BNC1: variants seen among roughly 807,000 people sequenced by gnomAD.
BNC1 encodes the protein basonuclin zinc finger protein 1, also known as zinc finger protein basonuclin-1.
Under a neutral mutation model 66.5 loss-of-function variants are expected in BNC1, and 8 were observed. The ratio of observed to expected loss-of-function variants is 0.12; its 90% CI spans 0.07 to 0.22. The LOEUF (loss-of-function observed/expected upper bound fraction) is 0.22, where lower values mean the gene tolerates loss of function less well. Ranked by LOEUF, BNC1 falls within the 10% of genes least tolerant of loss-of-function variation. The pLI is 1.00. For synonymous variants in BNC1, 454 were observed against 452.6 expected, an observed-to-expected ratio of 1.00 and a Z score of -0.04; for missense variants, 1,069 against 1,241.3, an observed-to-expected ratio of 0.86 and a Z score of 2.09.
Position 83,263,029 on chromosome 15 carries a change from T to C in BNC1, c.2222A>G (p.Asn741Ser), listed in dbSNP as rs2038162332. 1.2e-6 allele frequency: 2 copies of C among 1,614,196 alleles called. No individual in the cohort carries two copies. Among genetic ancestry groups the C allele is most frequent in the African/African-American group, 2.7e-5 (2 of 75,036 alleles). Residue 741 changes from asparagine (N) to serine (S), a missense_variant, in exon 4 of 5, where the codon AAT (asparagine) becomes AGT (serine). Physicochemically the swap from Asn to Ser is conservative, Grantham distance 46. Transcript: ENST00000345382. The part of the protein sequence containing the change: ...NACSVKIHHK[N>S]MHVKEMHTCT... The stretch of plus-strand genomic sequence containing the variant: ...TGTGTGCATTTCTTTGACATGCATA[T>C]TCTTGTGATGAATTTTCACACTACA...
chr15:83,258,095 C>T lies in BNC1; in HGVS notation c.2332G>A (p.Ala778Thr). The T allele has an allele frequency of 6.2e-7, 1 of 1,603,328 alleles. No individual in the cohort carries two copies. Among genetic ancestry groups the T allele is most frequent in the African/African-American group, 1.3e-5 (1 of 74,872 alleles). ...CTCTCCAATGCTTCCTGGCTCAATGCTTTTTGGTGGAGGTTTAGGTTTGAG... is the reference window on the plus strand; with the variant it reads ...CTCTCCAATGCTTCCTGGCTCAATGTTTTTTGGTGGAGGTTTAGGTTTGAG... The part of the protein sequence containing the change: ...HSSNLNLHQK[A>T]LSQEALESSE... Residue 778 changes from alanine (A) to threonine (T), a missense_variant, in exon 5 of 5, where the codon GCA (alanine) becomes ACA (threonine). Transcript: ENST00000345382.
At chr15:83,281,996 AG>A (rs1307680509) in intron 1 of BNC1, among the ~76,000 whole-genome samples, 5 of 152,394 alleles carry the variant, frequency 3.3e-5, no homozygotes, top group African/African-American at 1.2e-4. Flanking sequence ...ACTTCATGTT[AG>A]TCAATATTTC....
intron 4 of BNC1, among the ~76,000 whole-genome samples, chr15:83,262,105 T>C (rs1028157169): frequency 1.4e-5 from 2 of 147,944 alleles, no homozygotes; most frequent in Non-Finnish European, 3.0e-5. Context: ...TGGAGTGCAG[T>C]GGCATGATCT....
chr15:83,275,223 G>A (rs1053826526), intron 1 of BNC1, among the ~76,000 whole-genome samples: 4 of 152,248 alleles, frequency 2.6e-5, no homozygotes, highest in Admixed American at 6.5e-5. Flanking sequence ...GAAGAGGCCA[G>A]GCGCAGTGGC....
intron 1 of BNC1, chr15:83,283,023 C>G: frequency 7.8e-7 from 1 of 1,280,408 alleles, no homozygotes; most frequent in Admixed American, 2.0e-5. Context: ...GCGAGCACAG[C>G]CATAAAACCA....
chr15:83,266,773 T>G, intron 3 of BNC1, 63 bp downstream of exon 3: 1 of 1,439,888 alleles, frequency 6.9e-7, no homozygotes, highest in Non-Finnish European at 9.8e-7. Flanking sequence ...CTGGGTTACG[T>G]CAGTTATATG....
chr15:83,283,419 G>T, intron 1 of BNC1: 1 of 1,178,726 alleles, frequency 8.5e-7, no homozygotes, highest in Non-Finnish European at 1.0e-6. Context: ...GCGGCCCCCA[G>T]CCTCGCCGCC....
chr15:83,257,519 C>T lies in BNC1; in HGVS notation c.2908G>A (p.Val970Ile), dbSNP rs753368444. ...VPGCNTMFSSVRSRNRHSQNP... is the reference protein window; with the variant it reads ...VPGCNTMFSSIRSRNRHSQNP... ...TGGCTGTGTCTGTTTCGACTGCGAACAGACGAAAACATGGTGTTGCAGCCT... is the reference window on the plus strand; with the variant it reads ...TGGCTGTGTCTGTTTCGACTGCGAATAGACGAAAACATGGTGTTGCAGCCT... The change falls in exon 5 of 5, where the codon GTT becomes ATT. Residue 970 changes from valine to isoleucine, a missense_variant. Around this residue, in one of 7 missense-constraint regions of BNC1, gnomAD observed 657 missense variants for 715.8 expected, o/e 0.92. Transcript: ENST00000345382. 6.2e-7 allele frequency: 1 copy of T among 1,614,094 alleles called. No homozygotes were observed. Among genetic ancestry groups the T allele is most frequent in the Non-Finnish European group, 8.5e-7 (1 of 1,180,046 alleles).
chr15:83,284,582 G>A lies in BNC1; in HGVS notation c.47C>T (p.Ala16Val), dbSNP rs922354410. 2.5e-5 allele frequency: 26 copies of A among 1,045,978 alleles called. No individual in the cohort carries two copies. Among genetic ancestry groups the A allele is most frequent in the Non-Finnish European group, 2.9e-5 (25 of 871,394 alleles). 64.8% of individuals were successfully genotyped at this position (1,045,978 alleles called of 1,614,324 possible). Residue 16 changes from alanine to valine, a missense_variant, in exon 1 of 5, where the codon GCC (alanine) becomes GTC (valine). This residue lies in a region of BNC1 where 78 missense variants were observed against 80.9 expected (regional missense o/e 0.96). Coordinates refer to ENST00000345382, the MANE Select transcript of BNC1 (RefSeq NM_001717.4). ...CCGGGGCTGCCGGCGCGTCTCCCGG[G>A]CCCGGGCCGCCCCGCGTCCGCCCCG... is the stretch of plus-strand genomic sequence containing the variant. ...PSRGGRGAAR[A>V]RETRRQPRHR...
At chr15:83,283,689 C>T (rs1484334163) in intron 1 of BNC1, among the ~76,000 whole-genome samples, 2 of 152,194 alleles carry the variant, frequency 1.3e-5, no homozygotes, top group Admixed American at 1.3e-4. Context: ...GGCTTCCAGC[C>T]CAGAGCCCAA....
chr15:83,270,598 T>C (rs186120652), intron 1 of BNC1, among the ~76,000 whole-genome samples: 36 of 152,338 alleles, frequency 2.4e-4, no homozygotes, highest in African/African-American at 8.7e-4. Context: ...GCTCAGCATC[T>C]CTTCATGTGC....
chr15:83,281,791 C>A (rs938613421), intron 1 of BNC1, among the ~76,000 whole-genome samples: 1 of 152,184 alleles, frequency 6.6e-6, no homozygotes, highest in Non-Finnish European at 1.5e-5. Context: ...TGCTTAGGGA[C>A]AACTACTTTG....
chr15:83,263,525 C>T lies in BNC1; in HGVS notation c.1726G>A (p.Glu576Lys). ...GACTGAGGACTGCAGGCCTCCTGCT[C>T]ATCTTCACTGACCACCTGTAGGGGC... ...DMPLQVVSED[E>K]QEACSPQSHR... The change falls in exon 4 of 5, where the codon GAG (glutamate) becomes AAG (lysine). Residue 576 changes from glutamate (E) to lysine (K), a missense_variant. By Grantham distance (56) the Glu-to-Lys change is moderately conservative. Coordinates refer to ENST00000345382, the MANE Select transcript of BNC1 (RefSeq NM_001717.4). 1.2e-6 allele frequency: 2 copies of T among 1,614,252 alleles called. No individual in the cohort carries two copies. The highest frequency in any genetic ancestry group is 1.7e-6 in the Non-Finnish European group (2 of 1,180,046).
intron 1 of BNC1, among the ~76,000 whole-genome samples, chr15:83,281,608 G>A (rs990577817): frequency 6.6e-6 from 1 of 152,206 alleles, no homozygotes; most frequent in Non-Finnish European, 1.5e-5. Flanking sequence ...GGAACCTTCA[G>A]GGCATCCCTT....
At chr15:83,277,151 A>C (rs1345622175) in intron 1 of BNC1, among the ~76,000 whole-genome samples, 2 of 152,098 alleles carry the variant, frequency 1.3e-5, no homozygotes, top group Non-Finnish European at 2.9e-5. Flanking sequence ...CACTGTTCAC[A>C]GCAGTCTCTA....
At chr15:83,280,401 T>C (rs1199492459) in intron 1 of BNC1, among the ~76,000 whole-genome samples, 1 of 152,232 alleles carries the variant, frequency 6.6e-6, no homozygotes, top group Admixed American at 6.5e-5. Context: ...ACTTACACTT[T>C]AGCATAATTT....
At chr15:83,284,282 G>T (rs569525407) in intron 1 of BNC1, among the ~76,000 whole-genome samples, 1 of 152,052 alleles carries the variant, frequency 6.6e-6, no homozygotes, top group East Asian at 1.9e-4. Context: ...CCGGCGCGGA[G>T]ACCGTTTGCC....
intron 1 of BNC1, among the ~76,000 whole-genome samples, chr15:83,271,918 A>G (rs543267293): frequency 6.6e-6 from 1 of 152,370 alleles, no homozygotes; most frequent in African/African-American, 2.4e-5. Context: ...AAGTTAAAGG[A>G]TACAAGTGAG....
intron 1 of BNC1, 76 bp from the exon 2 acceptor site, chr15:83,268,308 A>G: frequency 7.7e-7 from 1 of 1,306,340 alleles, no homozygotes. Context: ...CAAACAAAAC[A>G]TATTCCTCCA....
Sources: gnomAD v4.1 joint callset for allele counts (sites outside exome capture counted in the v4.1 genomes callset) on GRCh38, gnomAD v4.1.1 for gene constraint, gnomAD v4.1.1 regional missense constraint, MANE v1.5 for transcripts, NCBI Gene and HGNC (gene_info 2026-07-23, HGNC 2026-07-21) for gene names.